The following ATXN7 variants were observed in gnomAD, a reference collection of about 807,000 sequenced individuals.
The protein encoded by ATXN7 is ataxin-7.
Under a neutral mutation model 70.5 loss-of-function variants are expected in ATXN7, and 12 were observed. The observed-to-expected ratio is 0.17, with a 90% CI of 0.11 to 0.28. ATXN7 has a LOEUF of 0.28. Ranked by LOEUF, ATXN7 falls within the 10% of genes least tolerant of loss-of-function variation. The probability of loss-of-function intolerance (pLI) is 1.00; values close to 1 mark genes in which losing one functional copy is unlikely to be tolerated. For missense variants in ATXN7, 1,256 were observed against 1,131.7 expected, an observed-to-expected ratio of 1.11 and a Z score of -1.58; for synonymous variants, 498 against 448.7, an observed-to-expected ratio of 1.11 and a Z score of -1.39.
intron 8 of ATXN7, 34 bp downstream of exon 8, chr3:63,983,055 C>A: frequency 6.5e-7 from 1 of 1,539,222 alleles, no homozygotes; most frequent in Non-Finnish European, 9.0e-7. Context: ...GTCGACCATC[C>A]TGATAAACAT....
intron 5 of ATXN7, chr3:63,968,411 A>G (rs1354081233): frequency 6.4e-6 from 1 of 155,674 alleles, no homozygotes; most frequent in Non-Finnish European, 1.4e-5. Context: ...CTCTCTAAAA[A>G]TGGAGGAACG....
At chr3:63,935,613 T>C (rs1237013502) in intron 4 of ATXN7, among the ~76,000 whole-genome samples, 2 of 152,178 alleles carry the variant, frequency 1.3e-5, no homozygotes, top group African/African-American at 4.8e-5. Context: ...GACTGGAACA[T>C]ACTGCTTCAA....
At chr3:63,924,945 A>G (rs954540524) in intron 4 of ATXN7, among the ~76,000 whole-genome samples, 1 of 152,212 alleles carries the variant, frequency 6.6e-6, no homozygotes, top group Admixed American at 6.5e-5. Flanking sequence ...GAATGATCCA[A>G]GAGTAAGGGA....
chr3:63,971,172 CT>C (rs2075307209), intron 5 of ATXN7, among the ~76,000 whole-genome samples: 1 of 152,136 alleles, frequency 6.6e-6, no homozygotes, highest in African/African-American at 2.4e-5. Context: ...GTGGCAAGGA[CT>C]TTTTCTTTCT....
chr3:63,950,615 C>G (rs1423894364), intron 4 of ATXN7, among the ~76,000 whole-genome samples: 1 of 152,042 alleles, frequency 6.6e-6, no homozygotes, highest in African/African-American at 2.4e-5. Context: ...CGGTAAATGA[C>G]TTTAAATTTT....
intron 4 of ATXN7, among the ~76,000 whole-genome samples, chr3:63,918,492 T>C (rs560250445): frequency 4.9e-4 from 75 of 152,348 alleles, no homozygotes; most frequent in African/African-American, 1.6e-3. Context: ...TGATCCTCCT[T>C]GTATCCATCA....
chr3:63,895,562 G>A (rs778724265), intron 1 of ATXN7, among the ~76,000 whole-genome samples: 1 of 151,984 alleles, frequency 6.6e-6, no homozygotes, highest in African/African-American at 2.4e-5. Context: ...AGGTGGGGGC[G>A]GGGGCACTTA....
At chr3:63,863,698 C>A, upstream of ATXN7, 2 of 1,241,708 alleles carry the variant, frequency 1.6e-6, no homozygotes, top group Non-Finnish European at 2.0e-6. Flanking sequence ...GGAAGCGGGC[C>A]GGGAGGCCAG....
chr3:63,882,781 T>A (rs1163403949), intron 1 of ATXN7, among the ~76,000 whole-genome samples: 1 of 152,156 alleles, frequency 6.6e-6, no homozygotes, highest in African/African-American at 2.4e-5. Flanking sequence ...TTTAGGATCT[T>A]AGAAAGTAAA....
rs781291239 is a variant in ATXN7 at position 63,988,211 on chromosome 3, C to T, written c.1248C>T (p.Pro416=). ...QPPQPLRDPH[P]APPRTSQEPH... is the part of the protein sequence containing the mutation. ...CGCAGCCTCTCAGGGACCCGCATCC[C>T]GCCCCTCCTAGAACGTCACAGGAGC... The change falls in exon 9 of 13, where the codon CCC becomes CCT. Residue 416 remains proline (P), a synonymous_variant. Transcript: ENST00000674280. 2.2e-5 allele frequency: 35 copies of T among 1,613,860 alleles called. No homozygotes were observed. The highest frequency in any genetic ancestry group is 6.6e-5 in the South Asian group (6 of 91,072).
intron 1 of ATXN7, among the ~76,000 whole-genome samples, chr3:63,872,394 T>C (rs1342766373): frequency 6.6e-6 from 1 of 152,182 alleles, no homozygotes; most frequent in African/African-American, 2.4e-5. Flanking sequence ...GTGGCTGCAG[T>C]CCTCTTAAGT....
rs1284840575 is a variant in ATXN7 at position 63,990,234 on chromosome 3, C to T, written c.1420C>T (p.His474Tyr). The T allele has an allele frequency of 1.9e-6, 3 of 1,613,988 alleles. No individual in the cohort carries two copies. Among genetic ancestry groups the T allele is most frequent in the South Asian group, 2.2e-5 (2 of 91,072 alleles). The change falls in exon 10 of 13, where the codon CAT becomes TAT. Residue 474 changes from histidine (H) to tyrosine (Y), a missense_variant. Physicochemically the swap from His to Tyr is moderately conservative, Grantham distance 83 (BLOSUM62 2). Transcript: ENST00000674280. ...GSAPIDPPPV[H>Y]ESPHPPLPAT... is the part of the protein sequence containing the mutation. Reference sequence around the variant, plus strand: ...TGCCCCCATTGACCCTCCTCCAGTCCATGAATCTCCACACCCTCCCCTGCC... The same window carrying T: ...TGCCCCCATTGACCCTCCTCCAGTCTATGAATCTCCACACCCTCCCCTGCC...
chr3:63,908,965 T>C (rs1228480796), intron 2 of ATXN7, among the ~76,000 whole-genome samples: 3 of 152,152 alleles, frequency 2.0e-5, no homozygotes, highest in South Asian at 4.1e-4. Context: ...CCATAGACAA[T>C]CTAGTTGGTG....
At chr3:63,971,800 T>G (rs1328311608) in intron 5 of ATXN7, among the ~76,000 whole-genome samples, 1 of 152,214 alleles carries the variant, frequency 6.6e-6, no homozygotes, top group South Asian at 2.1e-4. Flanking sequence ...AAGTAAATAA[T>G]GGTCTAGATA....
At chr3:63,878,863 G>T (rs1702823407) in intron 1 of ATXN7, among the ~76,000 whole-genome samples, 1 of 152,134 alleles carries the variant, frequency 6.6e-6, no homozygotes, top group Admixed American at 6.5e-5. Flanking sequence ...GAGGGAACAA[G>T]GAGGGAATAT....
intron 1 of ATXN7, among the ~76,000 whole-genome samples, chr3:63,876,297 C>T (rs1702748802): frequency 6.6e-6 from 1 of 152,124 alleles, no homozygotes; most frequent in African/African-American, 2.4e-5. Context: ...GCTCATAGCT[C>T]CTCTTAGCTG....
rs1273191995 is a variant in ATXN7 at position 63,912,609 on chromosome 3, G to C, written c.11G>C (p.Arg4Pro). Residue 4 changes from arginine (R) to proline (P), a missense_variant, in exon 3 of 13, where the codon CGG (arginine) becomes CCG (proline). By Grantham distance (103) the Arg-to-Pro change is moderately radical. Transcript: ENST00000674280. MSERAADDVRGEPR... is the reference protein window; with the variant it reads MSEPAADDVRGEPR... ...GTAGGAGCGGAAAGAATGTCGGAGC[G>C]GGCCGCGGATGACGTCAGGGGGGAG... The C allele has an allele frequency of 5.5e-6, 6 of 1,097,972 alleles. No homozygotes were observed. The highest frequency in any genetic ancestry group is 5.2e-5 in the South Asian group (2 of 38,418). 68.0% of individuals were successfully genotyped at this position (1,097,972 alleles called of 1,614,324 possible). A position where few individuals can be genotyped will look rare whatever the true frequency, so the allele number is the denominator to read the frequency against.
At chr3:63,954,711 G>GTTTTTTTTTTT (rs375112554) in intron 5 of ATXN7, among the ~76,000 whole-genome samples, 1 of 112,460 alleles carries the variant, frequency 8.9e-6, no homozygotes, top group Non-Finnish European at 1.8e-5. Flanking sequence ...TTTTTTTTTT[G>GTTTTTTTTTTT]TTTTTTTTTT....
In ATXN7 at chr3:63,874,651, A is replaced by G. The variant is rs1702696240; in HGVS notation, c.-111+10493A>G. Reference sequence around the variant, plus strand: ...CAGAATTCAGGTGTTCTGATTGCCCATGCCTTATTGAGGGTGGTTCTAGAA... The same window carrying G: ...CAGAATTCAGGTGTTCTGATTGCCCGTGCCTTATTGAGGGTGGTTCTAGAA... On this transcript the variant is annotated intron_variant, in intron 1 of 12. Coordinates refer to ENST00000674280, the MANE Select transcript of ATXN7 (RefSeq NM_001377405.1). 2.0e-5 allele frequency among the ~76,000 whole-genome samples: 3 copies of G among 152,194 alleles called. No individual in the cohort carries two copies. The South Asian group carries it at 6.2e-4, about 31-fold the overall frequency.
Sources: gnomAD v4.1 joint callset for allele counts (sites outside exome capture counted in the v4.1 genomes callset) on GRCh38, gnomAD v4.1.1 for gene constraint, MANE v1.5 for transcripts, NCBI Gene and HGNC (gene_info 2026-07-23, HGNC 2026-07-21) for gene names.